Variants in LATS2 observed in about 807,000 individuals in gnomAD.
LATS2 encodes large tumor suppressor kinase 2, also known as serine/threonine-protein kinase LATS2.
LATS2 carries 24 observed loss-of-function variants against 76.0 expected under a neutral mutation model. That is an observed-to-expected ratio of 0.32 (90% CI 0.23 to 0.44). LATS2 has a LOEUF of 0.44. LATS2 is among the 20% of genes least tolerant of loss of function. The probability of loss-of-function intolerance (pLI) is 1.00; values close to 1 mark genes in which losing one functional copy is unlikely to be tolerated. For synonymous variants in LATS2, 692 were observed against 635.4 expected (o/e 1.09, Z -1.34); for missense variants, 1,286 against 1,481.2 (o/e 0.87, Z 2.16).
At chr13:20,998,208 G>T (rs534613073) in intron 2 of LATS2, among the ~76,000 whole-genome samples, 1 of 152,170 alleles carries the variant, frequency 6.6e-6, no homozygotes, top group South Asian at 2.1e-4. Context: ...GAGAAAATTA[G>T]CTGGGCATGG....
intron 2 of LATS2, among the ~76,000 whole-genome samples, chr13:21,023,674 AAAAAAAAAAC>A (rs1191899335): frequency 0.022 from 589 of 26,708 alleles, 130 homozygotes; most frequent in African/African-American, 0.039. Flanking sequence ...AAAAAAAAAA[AAAAAAAAAAC>A]AAACCTCGGC....
intron 4 of LATS2, among the ~76,000 whole-genome samples, chr13:20,984,056 G>A (rs140201283): frequency 9.3e-4 from 141 of 152,166 alleles, no homozygotes; most frequent in African/African-American, 3.2e-3. Context: ...TCAGCCTCCC[G>A]AGTAGCTGGG....
chr13:20,997,865 T>C (rs1183888399), intron 2 of LATS2, among the ~76,000 whole-genome samples: 5 of 152,222 alleles, frequency 3.3e-5, no homozygotes, highest in Non-Finnish European at 4.4e-5. Flanking sequence ...ACAATTATTA[T>C]GTATGAGGGA....
At chr13:21,026,087 C>G (rs1344971586) in intron 2 of LATS2, among the ~76,000 whole-genome samples, 1 of 152,158 alleles carries the variant, frequency 6.6e-6, no homozygotes, top group Non-Finnish European at 1.5e-5. Flanking sequence ...CCCTGGAATA[C>G]CCATCGGATG....
chr13:21,000,772 T>C (rs1374397353), intron 2 of LATS2, among the ~76,000 whole-genome samples: 1 of 152,196 alleles, frequency 6.6e-6, no homozygotes, highest in Non-Finnish European at 1.5e-5. Flanking sequence ...AGATGGTATG[T>C]AGCAAAAATA....
chr13:20,976,192 T>C (rs1047323706), intron 7 of LATS2, among the ~76,000 whole-genome samples: 2 of 152,198 alleles, frequency 1.3e-5, no homozygotes, highest in African/African-American at 4.8e-5. Flanking sequence ...CTTTATTGTT[T>C]ACACTTAGAA....
chr13:21,020,675 C>T (rs1872020122), intron 2 of LATS2, among the ~76,000 whole-genome samples: 1 of 152,202 alleles, frequency 6.6e-6, no homozygotes, highest in Admixed American at 6.5e-5. Context: ...GTCTGCCTCT[C>T]TCCATGTAGG....
In LATS2 at chr13:21,007,718, ATATAGTATATATATATAGT is replaced by A; in HGVS notation, c.343-16333_343-16315del. Among the ~76,000 whole-genome samples the A allele has an allele frequency of 1.3e-3, 14 of 10,988 alleles. 2 individuals are homozygous for A. The highest frequency in any genetic ancestry group is 5.1e-3 in the African/African-American group (12 of 2,374). The allele number at this position is 10,988 out of a possible 152,430, so 7.2% of individuals were successfully genotyped here. ...ATATATAGTATGTATATATATATAT[ATATAGTATATATATATAGT>A]ATATATATATATATATATATATATT... On this transcript the variant is annotated intron_variant, in intron 2 of 7. Transcript: ENST00000382592.
At chr13:21,028,086 C>A (rs902963189) in intron 2 of LATS2, among the ~76,000 whole-genome samples, 2 of 152,134 alleles carry the variant, frequency 1.3e-5, no homozygotes, top group Non-Finnish European at 2.9e-5. Flanking sequence ...CCCCTTCCCC[C>A]ACCCCACAAC....
At chr13:21,000,429 C>A (rs1870990675) in intron 2 of LATS2, among the ~76,000 whole-genome samples, 1 of 152,012 alleles carries the variant, frequency 6.6e-6, no homozygotes, top group Non-Finnish European at 1.5e-5. Flanking sequence ...TAAAACTATT[C>A]TTGGTCATGT....
chr13:21,037,445 T>C (rs987913128), intron 2 of LATS2, among the ~76,000 whole-genome samples: 10 of 150,132 alleles, frequency 6.7e-5, no homozygotes, highest in African/African-American at 2.2e-4. Context: ...AAAAGACTAT[T>C]CAATGGAATG....
chr13:21,060,437 G>A (rs1346608927), intron 1 of LATS2, among the ~76,000 whole-genome samples: 1 of 152,220 alleles, frequency 6.6e-6, no homozygotes, highest in South Asian at 2.1e-4. Flanking sequence ...CGTTCGCGTG[G>A]CCACGAAAGC....
chr13:20,981,156 G>A (rs1869855981), intron 6 of LATS2, among the ~76,000 whole-genome samples: 1 of 152,152 alleles, frequency 6.6e-6, no homozygotes, highest in Non-Finnish European at 1.5e-5. Flanking sequence ...AGGTCCTGTG[G>A]CCCTCAGAGT....
At chr13:21,023,417 A>G (rs1046654714) in intron 2 of LATS2, among the ~76,000 whole-genome samples, 2 of 151,920 alleles carry the variant, frequency 1.3e-5, no homozygotes, top group African/African-American at 4.8e-5. Context: ...AGACATTTTT[A>G]AAAAACTTGT....
rs1029499044 is a variant in LATS2, at chr13:20,974,672, T to C, written c.*198A>G. On this transcript the variant is annotated 3_prime_UTR_variant, in exon 8 of 8. Transcript: ENST00000382592. ...AATGCAGTGAAGGTCCTGAAAAGCC[T>C]ATTGAAAGCGATGCTGAGTCCTGTT... 1 of 580,052 alleles carries C rather than the reference T, an allele frequency of 1.7e-6. No individual in the cohort carries two copies. Among genetic ancestry groups the C allele is most frequent in the African/African-American group, 1.9e-5 (1 of 53,356 alleles). 35.9% of individuals were successfully genotyped at this position (580,052 alleles called of 1,614,324 possible). A position where few individuals can be genotyped will look rare whatever the true frequency, so the allele number is the denominator to read the frequency against.
chr13:21,003,404 A>G (rs1871131390), intron 2 of LATS2, among the ~76,000 whole-genome samples: 1 of 150,034 alleles, frequency 6.7e-6, no homozygotes, highest in Admixed American at 6.6e-5. Context: ...CAGGTGCGCC[A>G]CCACACACAA....
chr13:21,042,379 C>A (rs571008013), intron 2 of LATS2, among the ~76,000 whole-genome samples: 2 of 152,256 alleles, frequency 1.3e-5, no homozygotes, highest in South Asian at 4.2e-4. Flanking sequence ...AAATTGTGCA[C>A]TTTTAAAGTA....
chr13:21,040,166 C>T (rs1442637770), intron 2 of LATS2, among the ~76,000 whole-genome samples: 1 of 151,638 alleles, frequency 6.6e-6, no homozygotes, highest in Non-Finnish European at 1.5e-5. Context: ...GCAGGCGTAT[C>T]GCTTCAGACT....
chr13:21,039,257 CTTAT>C (rs1872786309), intron 2 of LATS2, among the ~76,000 whole-genome samples: 1 of 152,172 alleles, frequency 6.6e-6, no homozygotes, highest in African/African-American at 2.4e-5. Context: ...TCCTTCTCCT[CTTAT>C]TAATATTTCA....
Sources: allele counts gnomAD v4.1 joint callset (sites outside exome capture counted in the v4.1 genomes callset), GRCh38; gene constraint gnomAD v4.1.1; transcripts MANE v1.5; gene names NCBI Gene and HGNC (gene_info 2026-07-23, HGNC 2026-07-21).